The following PBXIP1 variants were observed in gnomAD, a reference collection of about 807,000 sequenced individuals.
The protein encoded by PBXIP1 is PBX homeobox interacting protein 1, also known as pre-B-cell leukemia transcription factor-interacting protein 1.
Under a neutral mutation model 73.7 loss-of-function variants are expected in PBXIP1, and 73 were observed. The observed-to-expected ratio is 0.99, with a 90% confidence interval of 0.82 to 1.20. PBXIP1 has a LOEUF of 1.20. PBXIP1 is among the 50% of genes most tolerant of loss of function. The pLI is 0.00. For missense variants in PBXIP1, 818 were observed against 911.4 expected, an observed-to-expected ratio of 0.90 and a Z score of 1.32; for synonymous variants, 330 against 366.9, an observed-to-expected ratio of 0.90 and a Z score of 1.15.
intron 5 of PBXIP1, among the ~76,000 whole-genome samples, chr1:154,949,748 G>T (rs1371267619): frequency 4.6e-5 from 7 of 152,050 alleles, no homozygotes; most frequent in Non-Finnish European, 4.4e-5. Context: ...AGGTATGCCA[G>T]CCCTGGCCCA....
At chr1:154,947,168 C>T (rs1654853975) in intron 9 of PBXIP1, 4 of 611,292 alleles carry the variant, frequency 6.5e-6, no homozygotes. Context: ...CCAGGCAGAC[C>T]ACACCAATCA....
At chr1:154,948,695 C>A (rs1477654264) in intron 5 of PBXIP1, among the ~76,000 whole-genome samples, 5 of 152,176 alleles carry the variant, frequency 3.3e-5, no homozygotes, top group Non-Finnish European at 5.9e-5. Context: ...ACTCTCTGGC[C>A]ACTCCTTCCC....
chr1:154,947,291 A>G (rs765470042), intron 9 of PBXIP1, 126 bp downstream of exon 9: 2 of 1,151,128 alleles, frequency 1.7e-6, no homozygotes, highest in Admixed American at 3.7e-5. Flanking sequence ...CGCCCTGACT[A>G]TAGTGGGAGA....
Position 154,947,470 on chromosome 1 carries a change from C to A in PBXIP1, c.817G>T (p.Asp273Tyr). ...PSLQNMGLLLDKLAKENQDIR... is the reference protein window; with the variant it reads ...PSLQNMGLLLYKLAKENQDIR... Reference sequence around the variant, plus strand: ...TCCTGGTTCTCCTTGGCCAGCTTGTCCAGCAGAAGACCCATGTTTTGCAGG... The same window carrying A: ...TCCTGGTTCTCCTTGGCCAGCTTGTACAGCAGAAGACCCATGTTTTGCAGG... The change falls in exon 9 of 11, where the codon GAC (aspartate) becomes TAC (tyrosine). Residue 273 changes from aspartate to tyrosine, a missense_variant. By Grantham distance (160) the Asp-to-Tyr change is radical. Coordinates refer to ENST00000368463, the MANE Select transcript of PBXIP1 (RefSeq NM_020524.4). The A allele has an allele frequency of 6.2e-7, 1 of 1,613,950 alleles. No individual in the cohort carries two copies. The highest frequency in any genetic ancestry group is 8.5e-7 in the Non-Finnish European group (1 of 1,179,906).
Position 154,944,518 on chromosome 1 carries a change from A to T in PBXIP1, c.*506T>A, listed in dbSNP as rs975147545. ...TGAAGCCGTGGGAGAAGCAGGGGTA[A>T]AAAAAAAAAGGGGGGGGACTTCACC... is the stretch of plus-strand genomic sequence containing the variant. On this transcript the variant is annotated 3_prime_UTR_variant, in exon 11 of 11. Transcript: ENST00000368463. The T allele has an allele frequency of 2.0e-5, 3 of 148,990 alleles. No homozygotes were observed. The highest frequency in any genetic ancestry group is 7.5e-5 in the African/African-American group (3 of 39,978). 9.2% of individuals were successfully genotyped at this position (148,990 alleles called of 1,614,324 possible). A position where few individuals can be genotyped will look rare whatever the true frequency, so the allele number is the denominator to read the frequency against.
chr1:154,949,884 G>A (rs1460760487), intron 5 of PBXIP1, among the ~76,000 whole-genome samples: 1 of 152,090 alleles, frequency 6.6e-6, no homozygotes, highest in African/African-American at 2.4e-5. Flanking sequence ...TAGGACAGAC[G>A]CCTGGCCTAG....
At position 154,946,158 on chromosome 1, in the gene PBXIP1, C is replaced by T; in HGVS notation, c.1516G>A (p.Gly506Arg). The T allele has an allele frequency of 6.2e-7, 1 of 1,614,162 alleles. No individual in the cohort carries two copies. The highest frequency in any genetic ancestry group is 8.5e-7 in the Non-Finnish European group (1 of 1,180,042). Residue 506 changes from glycine (G) to arginine (R), a missense_variant, in exon 10 of 11, where the codon GGA (glycine) becomes AGA (arginine). By Grantham distance (125) the Gly-to-Arg change is moderately radical. Coordinates refer to ENST00000368463, the MANE Select transcript of PBXIP1 (RefSeq NM_020524.4). ...GCTGGCTCCCTGTCCTCCTGACCTC[C>T]CCAGTTCTTCTTCCTTTCCCGGCCA... ...ESGRERKKNW[G>R]GQEDREPAGR...
chr1:154,950,313 C>T (rs1248654346), intron 5 of PBXIP1: 2 of 152,284 alleles, frequency 1.3e-5, no homozygotes, highest in Admixed American at 1.3e-4. Flanking sequence ...AGGCGTGAGC[C>T]ACTGCACCCT....
At position 154,944,516 on chromosome 1, in the gene PBXIP1, TA is replaced by T. The variant is rs11429731; in HGVS notation, c.*507del. On this transcript the variant is annotated 3_prime_UTR_variant, in exon 11 of 11. Coordinates refer to ENST00000368463, the MANE Select transcript of PBXIP1 (RefSeq NM_020524.4). Reference sequence around the variant, plus strand: ...GGTGAAGCCGTGGGAGAAGCAGGGGTAAAAAAAAAAAGGGGGGGGACTTCAC... The same window carrying T: ...GGTGAAGCCGTGGGAGAAGCAGGGGTAAAAAAAAAAGGGGGGGGACTTCAC... The T allele has an allele frequency of 2.2e-3, 302 of 137,916 alleles. No homozygotes were observed. The highest frequency in any genetic ancestry group is 4.9e-3 in the African/African-American group (185 of 37,460). The allele number at this position is 137,916 out of a possible 1,614,324, so 8.5% of individuals were successfully genotyped here. A position where few individuals can be genotyped will look rare whatever the true frequency, so the allele number is the denominator to read the frequency against.
In PBXIP1 at chr1:154,947,562, A is replaced by G; in HGVS notation, c.739-14T>C. On this transcript the variant is annotated splice_polypyrimidine_tract_variant and intron_variant, in intron 8 of 10. Coordinates refer to ENST00000368463, the MANE Select transcript of PBXIP1 (RefSeq NM_020524.4). ...CCTTAGCCCATCCTGAGGGCAGAAG[A>G]GCCTGTTATGCCATGCTACCCCACA... 1 of 1,602,746 alleles carries G rather than the reference A, an allele frequency of 6.2e-7. No individual in the cohort carries two copies. Among genetic ancestry groups the G allele is most frequent in the South Asian group, 1.1e-5 (1 of 89,744 alleles).
rs745919023 is a variant in PBXIP1, at chr1:154,945,559, C to G, written c.2102+13G>C. 1.9e-5 allele frequency: 31 copies of G among 1,606,030 alleles called. No homozygotes were observed. In the South Asian group the frequency reaches 2.4e-4, roughly 13 times the overall value. On this transcript the variant is annotated intron_variant, in intron 10 of 10. Transcript: ENST00000368463. ...TCTGTCCCACCCGACCCAACTCCCCCACAGCTGCCCACCTCTTCTTCAGTG... is the reference window on the plus strand; with the variant it reads ...TCTGTCCCACCCGACCCAACTCCCCGACAGCTGCCCACCTCTTCTTCAGTG...
intron 1 of PBXIP1, among the ~76,000 whole-genome samples, chr1:154,954,071 A>G (rs1417640727): frequency 6.6e-6 from 1 of 152,216 alleles, no homozygotes; most frequent in Non-Finnish European, 1.5e-5. Context: ...CAGCCCCCTG[A>G]CATTTGAGTC....
At chr1:154,955,737 T>G (rs1335801455) in intron 1 of PBXIP1, among the ~76,000 whole-genome samples, 1 of 151,978 alleles carries the variant, frequency 6.6e-6, no homozygotes, top group Non-Finnish European at 1.5e-5. Context: ...AAACACCTCC[T>G]GTAAGGATTA....
At chr1:154,949,958 A>G (rs1654953460) in intron 5 of PBXIP1, among the ~76,000 whole-genome samples, 1 of 152,150 alleles carries the variant, frequency 6.6e-6, no homozygotes, top group Admixed American at 6.5e-5. Flanking sequence ...TACAGGTGTG[A>G]GCCACCACAC....
In PBXIP1 at chr1:154,947,524, C is replaced by T. The variant is rs1452413649; in HGVS notation, c.763G>A (p.Ala255Thr). 1 of 1,606,912 alleles carries T rather than the reference C, an allele frequency of 6.2e-7. No individual in the cohort carries two copies. Among genetic ancestry groups the T allele is most frequent in the Admixed American group, 1.7e-5 (1 of 59,602 alleles). Residue 255 changes from alanine to threonine, a missense_variant, in exon 9 of 11, where the codon GCC (alanine) becomes ACC (threonine). By Grantham distance (58) the Ala-to-Thr change is moderately conservative. Coordinates refer to ENST00000368463, the MANE Select transcript of PBXIP1 (RefSeq NM_020524.4). Reference sequence around the variant, plus strand: ...GGGACACTGTCAGGAGGCACTGGGGCCTGCAGCTGTTCCCTTAGCCCATCC... The same window carrying T: ...GGGACACTGTCAGGAGGCACTGGGGTCTGCAGCTGTTCCCTTAGCCCATCC... ...RQDGLREQLQ[A>T]PVPPDSVPSL...
intron 2 of PBXIP1, among the ~76,000 whole-genome samples, chr1:154,952,543 C>T (rs1274706905): frequency 6.6e-6 from 1 of 152,216 alleles, no homozygotes; most frequent in Non-Finnish European, 1.5e-5. Context: ...TGCCTACTCC[C>T]CTTCCATAGG....
chr1:154,947,725 G>A lies in PBXIP1; in HGVS notation c.668-13C>T, dbSNP rs1158065088. 3.1e-6 allele frequency: 5 copies of A among 1,611,114 alleles called. No individual in the cohort carries two copies. The highest frequency in any genetic ancestry group is 1.7e-5 in the Admixed American group (1 of 59,952). ...TCCTCCATGGGCCCTGTGGGAAAGG[G>A]AAACCCTGAAACTGGTCCTGAGGCA... On this transcript the variant is annotated splice_polypyrimidine_tract_variant and intron_variant, in intron 7 of 10. Coordinates refer to ENST00000368463, the MANE Select transcript of PBXIP1 (RefSeq NM_020524.4).
Position 154,945,689 on chromosome 1 carries a change from G to A in PBXIP1, c.1985C>T (p.Ala662Val). The change falls in exon 10 of 11, where the codon GCC becomes GTC. Residue 662 changes from alanine to valine, a missense_variant. Coordinates refer to ENST00000368463, the MANE Select transcript of PBXIP1 (RefSeq NM_020524.4). ...CACCTCCTCCAAGCTGTCCTCCAGG[G>A]CATCCACAAAATCCCGGAAGCGGAG... ...DRLRFRDFVD[A>V]LEDSLEEVAV... The A allele has an allele frequency of 6.2e-7, 1 of 1,614,162 alleles. No individual in the cohort carries two copies. Among genetic ancestry groups the A allele is most frequent in the Admixed American group, 1.7e-5 (1 of 60,028 alleles).
chr1:154,952,027 G>A (rs892841625), intron 2 of PBXIP1, 106 bp from the exon 3 acceptor site: 18 of 1,252,606 alleles, frequency 1.4e-5, no homozygotes, highest in Admixed American at 7.6e-5. Context: ...AAAGGGGCTC[G>A]GGGCAGCACC....
Sources: allele counts gnomAD v4.1 joint callset (sites outside exome capture counted in the v4.1 genomes callset), GRCh38; gene constraint gnomAD v4.1.1; transcripts MANE v1.5; gene names NCBI Gene and HGNC (gene_info 2026-07-23, HGNC 2026-07-21).